The following SLCO3A1 variants were observed in gnomAD, a reference collection of about 807,000 sequenced individuals.
SLCO3A1 encodes the protein PGE1 transporter.
In SLCO3A1, 27 loss-of-function variants were observed where a neutral mutation model predicts 63.1. That is an observed-to-expected ratio of 0.43 (90% CI 0.32 to 0.59). The LOEUF is 0.59. Among genes scored for constraint, SLCO3A1 ranks in the 20% least tolerant of loss-of-function variants. SLCO3A1 has a pLI of 0.09. For missense variants in SLCO3A1, 773 were observed against 945.8 expected (o/e 0.82, Z 2.40); for synonymous variants, 473 against 409.9 (o/e 1.15, Z -1.86).
At chr15:92,131,824 T>G (rs1355096952) in intron 7 of SLCO3A1, among the ~76,000 whole-genome samples, 1 of 146,168 alleles carries the variant, frequency 6.8e-6, no homozygotes, top group East Asian at 1.9e-4. Flanking sequence ...CTGAGAAGCC[T>G]TCTCCAGCTC....
chr15:91,926,185 C>T (rs555765381), intron 2 of SLCO3A1, among the ~76,000 whole-genome samples: 9 of 152,282 alleles, frequency 5.9e-5, no homozygotes, highest in African/African-American at 1.7e-4. Context: ...CTCTTCATTT[C>T]GTTATTTCAG....
intron 7 of SLCO3A1, 41 bp downstream of exon 7, chr15:92,128,530 A>G: frequency 1.3e-6 from 2 of 1,558,876 alleles, no homozygotes; most frequent in African/African-American, 2.7e-5. Flanking sequence ...GGATTCAGGC[A>G]GCTAAAGTGG....
intron 2 of SLCO3A1, among the ~76,000 whole-genome samples, chr15:91,975,981 C>T (rs1446923761): frequency 6.6e-6 from 1 of 152,220 alleles, no homozygotes; most frequent in African/African-American, 2.4e-5. Flanking sequence ...TGCAGCACCT[C>T]ACTTGATTAT....
intron 2 of SLCO3A1, among the ~76,000 whole-genome samples, chr15:92,083,553 T>C (rs530537571): frequency 6.6e-6 from 1 of 152,342 alleles, no homozygotes; most frequent in South Asian, 2.1e-4. Flanking sequence ...TGAAATTCTA[T>C]TGCAATAGAT....
At chr15:91,880,749 T>C (rs1311036943) in intron 1 of SLCO3A1, among the ~76,000 whole-genome samples, 1 of 152,162 alleles carries the variant, frequency 6.6e-6, no homozygotes, top group Non-Finnish European at 1.5e-5. Flanking sequence ...CTCCTGTTAG[T>C]TAACCGTTCA....
intron 2 of SLCO3A1, among the ~76,000 whole-genome samples, chr15:91,958,455 C>T (rs1413152663): frequency 1.3e-5 from 2 of 152,200 alleles, no homozygotes; most frequent in Admixed American, 6.5e-5. Flanking sequence ...GCCGCCTCTC[C>T]CATTTCCCAG....
intron 2 of SLCO3A1, among the ~76,000 whole-genome samples, chr15:91,998,619 T>C (rs1159837351): frequency 2.0e-5 from 3 of 152,088 alleles, no homozygotes; most frequent in African/African-American, 7.2e-5. Flanking sequence ...AGAATGGCTG[T>C]TACCAAAAGT....
At chr15:92,112,860 T>C (rs558205818) in intron 4 of SLCO3A1, among the ~76,000 whole-genome samples, 2 of 152,308 alleles carry the variant, frequency 1.3e-5, no homozygotes, top group African/African-American at 4.8e-5. Flanking sequence ...CCATCGGGTA[T>C]TTCACCCCCA....
Position 91,912,762 on chromosome 15 carries a change from C to A in SLCO3A1, c.181-3231C>A, listed in dbSNP as rs1476339491. ...CTAAAGCTGAAGACCTACCAGACTG[C>A]TTCAGCCACCTCTCCGGGGGTGACT... On this transcript the variant is annotated intron_variant, in intron 1 of 9. Coordinates refer to ENST00000318445, the MANE Select transcript of SLCO3A1 (RefSeq NM_013272.4). This position sits in a 1 kb window ranked among gnomAD's most constrained non-coding sequence, Gnocchi z 5.0. 6.6e-6 allele frequency among the ~76,000 whole-genome samples: 1 copy of A among 152,204 alleles called. No homozygotes were observed. The highest frequency in any genetic ancestry group is 1.5e-5 in the Non-Finnish European group (1 of 68,032).
In SLCO3A1 at chr15:92,163,273, A is replaced by G; in HGVS notation, c.*138A>G. On this transcript the variant is annotated 3_prime_UTR_variant, in exon 10 of 10. Coordinates refer to ENST00000318445, the MANE Select transcript of SLCO3A1 (RefSeq NM_013272.4). ...GATGCACACACACGCAGACAGACAC[A>G]CCGACTTTGTCCTTTTTCTCAGCAT... 7.5e-7 allele frequency: 1 copy of G among 1,335,672 alleles called. No homozygotes were observed. Among genetic ancestry groups the G allele is most frequent in the Non-Finnish European group, 9.5e-7 (1 of 1,048,588 alleles). 82.7% of individuals were successfully genotyped at this position (1,335,672 alleles called of 1,614,324 possible).
intron 7 of SLCO3A1, among the ~76,000 whole-genome samples, chr15:92,132,778 T>G (rs1156348224): frequency 6.9e-6 from 1 of 145,210 alleles, no homozygotes. Context: ...AAATGCCAAG[T>G]AGGTTCTGTG....
intron 1 of SLCO3A1, among the ~76,000 whole-genome samples, chr15:91,887,894 T>A (rs1051717585): frequency 6.6e-6 from 1 of 152,194 alleles, no homozygotes; most frequent in East Asian, 1.9e-4. Context: ...CAGGATTTAA[T>A]AAGATAGTGT....
intron 2 of SLCO3A1, among the ~76,000 whole-genome samples, chr15:92,081,872 T>C (rs1011947245): frequency 1.3e-5 from 2 of 152,216 alleles, no homozygotes; most frequent in African/African-American, 4.8e-5. Flanking sequence ...TTTACAAGTT[T>C]CTGAGGTGAA....
intron 7 of SLCO3A1, among the ~76,000 whole-genome samples, chr15:92,130,591 C>G (rs1171637136): frequency 6.6e-6 from 1 of 152,094 alleles, no homozygotes; most frequent in Non-Finnish European, 1.5e-5. Flanking sequence ...GACAGTCTAG[C>G]CTTAAAAACA....
chr15:91,880,134 C>T (rs925742586), intron 1 of SLCO3A1, among the ~76,000 whole-genome samples: 5 of 98,524 alleles, frequency 5.1e-5, no homozygotes, highest in Non-Finnish European at 9.0e-5. Context: ...TCCGTCCGTC[C>T]ATCCATCCAT....
intron 2 of SLCO3A1, among the ~76,000 whole-genome samples, chr15:91,972,104 A>G (rs974086580): frequency 1.3e-5 from 2 of 152,160 alleles, no homozygotes; most frequent in Admixed American, 6.5e-5. Flanking sequence ...AGAATTGACT[A>G]TATAAAGGGG....
At chr15:92,151,087 T>G (rs1301410959) in intron 9 of SLCO3A1, 73 bp downstream of exon 9, 15 of 1,011,532 alleles carry the variant, frequency 1.5e-5, no homozygotes, top group Non-Finnish European at 2.3e-5. Flanking sequence ...GTCAGTCAAA[T>G]TATCCCATTT....
intron 2 of SLCO3A1, among the ~76,000 whole-genome samples, chr15:92,069,096 G>GCCCCCCCCC (rs56003783): frequency 3.5e-5 from 4 of 115,740 alleles, no homozygotes; most frequent in African/African-American, 1.0e-4. Context: ...GGCTCCCCCC[G>GCCCCCCCCC]CCCCCCCCCC....
At chr15:92,016,063 G>A (rs573813721) in intron 2 of SLCO3A1, among the ~76,000 whole-genome samples, 2 of 152,220 alleles carry the variant, frequency 1.3e-5, no homozygotes, top group African/African-American at 4.8e-5. Context: ...ATTTCTGCTA[G>A]ACATTATAGG....
Sources: allele counts gnomAD v4.1 joint callset (sites outside exome capture counted in the v4.1 genomes callset), GRCh38; gene constraint gnomAD v4.1.1; non-coding constraint Gnocchi (gnomAD v3.1); transcripts MANE v1.5; gene names NCBI Gene and HGNC (gene_info 2026-07-23, HGNC 2026-07-21).